NPHP4: variants seen among roughly 807,000 people sequenced by gnomAD.
NPHP4 encodes nephrocystin-4.
Under a neutral mutation model 155.8 loss-of-function variants are expected in NPHP4, and 151 were observed. That is an observed-to-expected ratio of 0.97 (90% CI 0.85 to 1.11). The LOEUF (loss-of-function observed/expected upper bound fraction) is 1.11. Among genes scored for constraint, NPHP4 ranks in the 50% least tolerant of loss-of-function variants. The pLI, the probability that NPHP4 is intolerant of heterozygous loss-of-function variation, is 0.00. For synonymous variants in NPHP4, 845 were observed against 816.8 expected (o/e 1.03, Z -0.59); for missense variants, 1,956 against 1,925.7 (o/e 1.02, Z -0.29).
chr1:5,919,133 C>A (rs1645613905), intron 11 of NPHP4, among the ~76,000 whole-genome samples: 1 of 152,180 alleles, frequency 6.6e-6, no homozygotes, highest in Admixed American at 6.5e-5. Flanking sequence ...GTGACAGAGA[C>A]CATCTTGCCC....
Position 5,948,217 on chromosome 1 carries a change from A to T in NPHP4, c.845T>A (p.Ile282Asn), listed in dbSNP as rs753652250. 24 of 1,596,314 alleles carry T rather than the reference A, an allele frequency of 1.5e-5. No individual in the cohort carries two copies. The highest frequency in any genetic ancestry group is 2.0e-5 in the Non-Finnish European group (24 of 1,173,772). ...GCCCACACGCAGGCGCCGCTCCAGG[A>T]TCTCCAGGGCACCACCGTCCAGTGG... ...CGPLDGGALEILERRLRVGVH... is the reference protein window; with the variant it reads ...CGPLDGGALENLERRLRVGVH... The change falls in exon 8 of 30, where the codon ATC becomes AAC. Residue 282 changes from isoleucine to asparagine, a missense_variant. Transcript: ENST00000378156.
intron 1 of NPHP4, among the ~76,000 whole-genome samples, chr1:5,991,716 C>G (rs1656334421): frequency 6.6e-6 from 1 of 151,734 alleles, no homozygotes; most frequent in Admixed American, 6.6e-5. Flanking sequence ...CTCGCAGGGA[C>G]GCCCGAAGGC....
chr1:5,975,062 C>A (rs1213483399), intron 3 of NPHP4, among the ~76,000 whole-genome samples: 2 of 152,222 alleles, frequency 1.3e-5, no homozygotes, highest in Non-Finnish European at 2.9e-5. Flanking sequence ...TCTATTTCCA[C>A]AGGGGTGTAG....
At position 5,890,974 on chromosome 1, in the gene NPHP4, C is replaced by T. The variant is rs587783027; in HGVS notation, c.2198G>A (p.Gly733Asp). The change falls in exon 17 of 30, where the codon GGT becomes GAT. Residue 733 changes from glycine (G) to aspartate (D), a missense_variant. Gly to Asp is a moderately conservative substitution (Grantham distance 94). Transcript: ENST00000378156. This position sits in a 1 kb window ranked among gnomAD's most constrained non-coding sequence, Gnocchi z 4.9. ...YMVGPGFLKP[G>D]ERRCFARYLA... ...GTAGCGGGCAAAGCAGCGCCGCTCA[C>T]CTGGCTTCAGGAACCCAGGGCCCAC... 6.0e-5 allele frequency: 96 copies of T among 1,588,930 alleles called. No individual in the cohort carries two copies. In the East Asian group the frequency reaches 2.0e-3, roughly 33 times the overall value.
At chr1:5,869,243 A>ACGCACCCACATG (rs538869149) in intron 23 of NPHP4, among the ~76,000 whole-genome samples, 26,930 of 137,670 alleles carry the variant, frequency 0.2, 2,453 homozygotes, top group South Asian at 0.29. Flanking sequence ...GCACACACAC[A>ACGCACCCACATG]CACACACACA....
At chr1:5,974,400 T>A (rs1653149358) in intron 3 of NPHP4, among the ~76,000 whole-genome samples, 1 of 152,176 alleles carries the variant, frequency 6.6e-6, no homozygotes, top group African/African-American at 2.4e-5. Context: ...CCAGTCACAC[T>A]ACACCGGCCA....
At position 5,867,552 on chromosome 1, in the gene NPHP4, T is replaced by C; in HGVS notation, c.3472+188A>G. On this transcript the variant is annotated intron_variant, in intron 24 of 29. Transcript: ENST00000378156. This position sits in a 1 kb window ranked among gnomAD's most constrained non-coding sequence, Gnocchi z 4.1. ...CAGCCGGCAAATGCGCACCTAGTCA[T>C]CTCAGAGGTGGCAAGAGGGACACCG... 1.6e-6 allele frequency: 1 copy of C among 644,650 alleles called. No homozygotes were observed. The highest frequency in any genetic ancestry group is 2.6e-6 in the Non-Finnish European group (1 of 378,626). The allele number at this position is 644,650 out of a possible 1,614,324, so 39.9% of individuals were successfully genotyped here. A position where few individuals can be genotyped will look rare whatever the true frequency, so the allele number is the denominator to read the frequency against.
At chr1:5,991,176 T>A (rs2102495314) in intron 1 of NPHP4, among the ~76,000 whole-genome samples, 1 of 152,250 alleles carries the variant, frequency 6.6e-6, no homozygotes, top group East Asian at 1.9e-4. Context: ...AGCAGAGGTC[T>A]GATTAAGCAC....
chr1:5,873,462 C>A (rs892424238), intron 22 of NPHP4, 127 bp from the exon 23 acceptor site: 9 of 733,648 alleles, frequency 1.2e-5, no homozygotes, highest in African/African-American at 7.1e-5. Context: ...ACTCTCCAGG[C>A]AGCAACCATC....
intron 3 of NPHP4, 84 bp from the exon 4 acceptor site, chr1:5,969,343 G>A (rs996738327): frequency 1.4e-5 from 12 of 835,096 alleles, no homozygotes; most frequent in Admixed American, 2.9e-5. Flanking sequence ...CCCCGAGACC[G>A]CCTTCCTACA....
intron 9 of NPHP4, among the ~76,000 whole-genome samples, chr1:5,945,909 C>T (rs144803499): frequency 6.6e-6 from 1 of 152,138 alleles, no homozygotes; most frequent in Admixed American, 6.5e-5. Flanking sequence ...ATTGTCCCCC[C>T]CCAGGGCGTG....
intron 9 of NPHP4, among the ~76,000 whole-genome samples, chr1:5,940,976 T>C (rs1226276984): frequency 1.3e-5 from 2 of 152,168 alleles, no homozygotes; most frequent in East Asian, 1.9e-4. Flanking sequence ...AAAATAAACA[T>C]GCAAGAAAAG....
chr1:5,931,083 T>C (rs766553776), intron 10 of NPHP4, among the ~76,000 whole-genome samples: 15 of 152,336 alleles, frequency 9.8e-5, no homozygotes, highest in Middle Eastern at 3.4e-3. Flanking sequence ...AATAGTAATA[T>C]ACCCACTCCA....
intron 9 of NPHP4, among the ~76,000 whole-genome samples, chr1:5,937,003 G>T (rs191578491): frequency 6.6e-6 from 1 of 152,238 alleles, no homozygotes. Flanking sequence ...GCCACATGAC[G>T]AGGGGGCGGA....
chr1:5,897,713 G>A (rs1427759718), intron 16 of NPHP4, among the ~76,000 whole-genome samples: 6 of 152,082 alleles, frequency 3.9e-5, no homozygotes, highest in Admixed American at 6.5e-5. Flanking sequence ...ACAGGAAACC[G>A]GGCTGGATCC....
chr1:5,925,609 TTTTG>T (rs1480520513), intron 11 of NPHP4, among the ~76,000 whole-genome samples: 11 of 152,094 alleles, frequency 7.2e-5, no homozygotes, highest in East Asian at 1.9e-4. Flanking sequence ...ATGGGTTTTT[TTTTG>T]TTTGTTTTGT....
At chr1:5,984,862 G>T (rs944806219) in intron 2 of NPHP4, among the ~76,000 whole-genome samples, 1 of 152,224 alleles carries the variant, frequency 6.6e-6, no homozygotes, top group African/African-American at 2.4e-5. Context: ...TCTGGAAGGC[G>T]GCTGAGCCAG....
intron 10 of NPHP4, among the ~76,000 whole-genome samples, chr1:5,931,998 T>C (rs1051764195): frequency 2.0e-5 from 3 of 151,606 alleles, no homozygotes; most frequent in Middle Eastern, 6.9e-3. Context: ...TGCTGGAGCA[T>C]AGGAGTTCAA....
chr1:5,869,243 A>ACCCACATG (rs538869149), intron 23 of NPHP4, among the ~76,000 whole-genome samples: 3 of 137,680 alleles, frequency 2.2e-5, no homozygotes, highest in African/African-American at 7.6e-5. Flanking sequence ...GCACACACAC[A>ACCCACATG]CACACACACA....
Sources: allele counts gnomAD v4.1 joint callset (sites outside exome capture counted in the v4.1 genomes callset), GRCh38; gene constraint gnomAD v4.1.1; non-coding constraint Gnocchi (gnomAD v3.1); transcripts MANE v1.5; gene names NCBI Gene and HGNC (gene_info 2026-07-23, HGNC 2026-07-21).